The following AFAP1 variants were observed in gnomAD, a reference collection of about 807,000 sequenced individuals.
AFAP1 encodes actin filament-associated protein 1.
Under a neutral mutation model 93.9 loss-of-function variants are expected in AFAP1, and 75 were observed. That is an observed-to-expected ratio of 0.80 (90% CI 0.66 to 0.97). The LOEUF (loss-of-function observed/expected upper bound fraction) is 0.97. Ranked by LOEUF, AFAP1 falls within the 50% of genes least tolerant of loss-of-function variation. The pLI is 0.00. For missense variants in AFAP1, 1,201 were observed against 1,050.8 expected, an observed-to-expected ratio of 1.14 and a Z score of -1.98; for synonymous variants, 517 against 430.7, an observed-to-expected ratio of 1.20 and a Z score of -2.48.
intron 16 of AFAP1, among the ~76,000 whole-genome samples, chr4:7,769,687 TG>T (rs1196107558): frequency 6.6e-6 from 1 of 152,156 alleles, no homozygotes; most frequent in African/African-American, 2.4e-5. Context: ...TTCTCTCAAA[TG>T]AAGTCTCCAA....
In AFAP1 at chr4:7,843,273, G is replaced by A. The variant is rs756027933; in HGVS notation, c.412C>T (p.Arg138Trp). The A allele has an allele frequency of 6.7e-5, 108 of 1,613,982 alleles. No homozygotes were observed. Among genetic ancestry groups the A allele is most frequent in the South Asian group, 4.5e-4 (41 of 91,078 alleles). Reference protein sequence around the residue: ...EEEDGKGKKTRHQWPSEEASM... With the variant: ...EEEDGKGKKTWHQWPSEEASM... ...GCCTCCTCGGAGGGCCACTGGTGCC[G>A]GGTTTTCTTCCCCTTCCCATCCTCC... is the stretch of plus-strand genomic sequence containing the variant. Residue 138 changes from arginine to tryptophan, a missense_variant, in exon 5 of 18, where the codon CGG (arginine) becomes TGG (tryptophan). Transcript: ENST00000420658.
chr4:7,810,412 G>GC (rs1719907368), intron 8 of AFAP1, among the ~76,000 whole-genome samples: 1 of 152,180 alleles, frequency 6.6e-6, no homozygotes, highest in Non-Finnish European at 1.5e-5. Context: ...CATCACTGAC[G>GC]CAAAAGCTGT....
At chr4:7,905,186 A>G (rs1719332186) in intron 1 of AFAP1, among the ~76,000 whole-genome samples, 1 of 152,212 alleles carries the variant, frequency 6.6e-6, no homozygotes, top group East Asian at 1.9e-4. Flanking sequence ...GGAAAGAAAG[A>G]GCAAGATGCA....
chr4:7,798,837 G>C (rs762082125), intron 10 of AFAP1: 1,293 of 662,042 alleles, frequency 2.0e-3, no homozygotes, highest in Non-Finnish European at 2.2e-3. Context: ...CACCCCCACC[G>C]CACCCCGAGC....
intron 10 of AFAP1, among the ~76,000 whole-genome samples, chr4:7,799,627 C>T (rs1400340711): frequency 6.6e-6 from 1 of 152,100 alleles, no homozygotes; most frequent in Non-Finnish European, 1.5e-5. Context: ...ATGCACAGAT[C>T]TGTCTGTGTG....
intron 1 of AFAP1, among the ~76,000 whole-genome samples, chr4:7,918,365 G>A (rs1224989103): frequency 6.8e-6 from 1 of 147,676 alleles, no homozygotes; most frequent in Admixed American, 6.8e-5. Flanking sequence ...ACTCAGCCCA[G>A]GTCACCAGGA....
chr4:7,820,926 C>G (rs1413523566), intron 6 of AFAP1, among the ~76,000 whole-genome samples: 1 of 152,134 alleles, frequency 6.6e-6, no homozygotes, highest in Non-Finnish European at 1.5e-5. Context: ...CAATACCAGC[C>G]TGACCAACAT....
At chr4:7,805,527 C>T (rs997524851) in intron 9 of AFAP1, among the ~76,000 whole-genome samples, 1 of 152,170 alleles carries the variant, frequency 6.6e-6, no homozygotes, top group African/African-American at 2.4e-5. Context: ...TGACCAGGTA[C>T]TGAGCATAAA....
chr4:7,935,334 T>C (rs1234025818), intron 1 of AFAP1, among the ~76,000 whole-genome samples: 1 of 152,156 alleles, frequency 6.6e-6, no homozygotes, highest in African/African-American at 2.4e-5. Context: ...AACAAAAGCT[T>C]TAGTAGGGCC....
At chr4:7,794,590 T>G (rs897295870) in intron 10 of AFAP1, among the ~76,000 whole-genome samples, 3 of 152,120 alleles carry the variant, frequency 2.0e-5, no homozygotes, top group Non-Finnish European at 4.4e-5. Context: ...GGTGTGATCA[T>G]AGCTCACTGC....
chr4:7,842,862 G>A (rs976041029), intron 5 of AFAP1: 63 of 396,062 alleles, frequency 1.6e-4, no homozygotes, highest in African/African-American at 9.0e-4. Flanking sequence ...TTCCACAGAC[G>A]CAAACCACAG....
At chr4:7,911,308 G>T (rs577250213) in intron 1 of AFAP1, among the ~76,000 whole-genome samples, 1 of 152,150 alleles carries the variant, frequency 6.6e-6, no homozygotes, top group Admixed American at 6.5e-5. Context: ...CAGCCGGAGG[G>T]GGGAAGGGTC....
intron 1 of AFAP1, among the ~76,000 whole-genome samples, chr4:7,880,971 T>A (rs1330608985): frequency 1.3e-5 from 2 of 152,190 alleles, no homozygotes; most frequent in Non-Finnish European, 2.9e-5. Context: ...CCTATTGCTA[T>A]TTGCATCCTG....
rs955050783 is a variant in AFAP1 at position 7,762,237 on chromosome 4, T to C, written c.*1528A>G. On this transcript the variant is annotated 3_prime_UTR_variant, in exon 18 of 18. Coordinates refer to ENST00000420658, the MANE Select transcript of AFAP1 (RefSeq NM_001134647.2). ...CCACACAGCTAGCGCTCTGAAAGTA[T>C]GTCTGGGGGAAACCCAAGGAGTCAG... The C allele has an allele frequency of 2.0e-5, 3 of 152,256 alleles. No individual in the cohort carries two copies. The highest frequency in any genetic ancestry group is 4.4e-5 in the Non-Finnish European group (3 of 68,056). The allele number at this position is 152,256 out of a possible 1,614,324, so 9.4% of individuals were successfully genotyped here.
intron 6 of AFAP1, among the ~76,000 whole-genome samples, chr4:7,820,986 T>A (rs1329521950): frequency 3.3e-5 from 5 of 152,010 alleles, no homozygotes; most frequent in African/African-American, 1.2e-4. Flanking sequence ...GGTGTGGTGG[T>A]ACACGCCTGT....
chr4:7,933,705 C>T (rs953903724), intron 1 of AFAP1, among the ~76,000 whole-genome samples: 3 of 152,196 alleles, frequency 2.0e-5, no homozygotes, highest in African/African-American at 7.2e-5. Flanking sequence ...ATGCAAAGAC[C>T]AGATAGAGGC....
At chr4:7,863,112 CAA>C (rs1383949292) in intron 3 of AFAP1, among the ~76,000 whole-genome samples, 14 of 152,178 alleles carry the variant, frequency 9.2e-5, no homozygotes, top group South Asian at 6.2e-4. Flanking sequence ...GCCCTTGAAA[CAA>C]AGAGAACAAT....
intron 12 of AFAP1, among the ~76,000 whole-genome samples, chr4:7,783,317 T>A (rs1716953223): frequency 6.6e-6 from 1 of 152,118 alleles, no homozygotes. Flanking sequence ...TTTTTGTATT[T>A]TTAGTAGAGA....
At chr4:7,847,829 C>A (rs1038191189) in intron 4 of AFAP1, among the ~76,000 whole-genome samples, 2 of 150,062 alleles carry the variant, frequency 1.3e-5, no homozygotes, top group Non-Finnish European at 2.9e-5. Flanking sequence ...TCAGGCCCGA[C>A]CCATTCAGAT....
Sources: allele counts gnomAD v4.1 joint callset (sites outside exome capture counted in the v4.1 genomes callset), GRCh38; gene constraint gnomAD v4.1.1; transcripts MANE v1.5; gene names NCBI Gene and HGNC (gene_info 2026-07-23, HGNC 2026-07-21).